UNC13B: variants seen among roughly 807,000 people sequenced by gnomAD.
The protein encoded by UNC13B is protein unc-13 homolog B.
UNC13B carries 144 observed loss-of-function variants against 211.0 expected under a neutral mutation model. That is an observed-to-expected ratio of 0.68 (90% CI 0.60 to 0.78). The LOEUF is 0.78. Ranked by LOEUF, UNC13B falls within the 30% of genes least tolerant of loss-of-function variation. UNC13B has a pLI of 0.00. For missense variants in UNC13B, 1,777 were observed against 2,002.0 expected, an observed-to-expected ratio of 0.89 and a Z score of 2.14; for synonymous variants, 709 against 725.8, an observed-to-expected ratio of 0.98 and a Z score of 0.37.
In UNC13B at chr9:35,221,761, A is replaced by G. The variant is rs566975866; in HGVS notation, c.23-6254A>G. On this transcript the variant is annotated intron_variant, in intron 1 of 39. Coordinates refer to ENST00000635942, the MANE Select transcript of UNC13B (RefSeq NM_001371189.2). ...AAGATTTTCTCCTATGTTTTCTTCCAGATATTTCATAGTTTTATCTCTCAC... is the reference window on the plus strand; with the variant it reads ...AAGATTTTCTCCTATGTTTTCTTCCGGATATTTCATAGTTTTATCTCTCAC... Among the ~76,000 whole-genome samples, 4 of 152,354 alleles carry G rather than the reference A, an allele frequency of 2.6e-5. No individual in the cohort carries two copies. In the South Asian group the frequency reaches 8.3e-4, roughly 32 times the overall value.
At chr9:35,226,913 T>G (rs922542961) in intron 1 of UNC13B, among the ~76,000 whole-genome samples, 3 of 152,334 alleles carry the variant, frequency 2.0e-5, no homozygotes. Flanking sequence ...AGTGTCACAT[T>G]ACAGAACCAT....
At chr9:35,384,547 C>G in intron 22 of UNC13B, 1 of 985,434 alleles carries the variant, frequency 1.0e-6, no homozygotes. Context: ...TCTTTCCAAC[C>G]TCATTCTTAA....
At chr9:35,240,670 A>G (rs963644225) in intron 5 of UNC13B, among the ~76,000 whole-genome samples, 1 of 152,014 alleles carries the variant, frequency 6.6e-6, no homozygotes, top group Non-Finnish European at 1.5e-5. Context: ...TTAATGTTGT[A>G]TTACTTTTTG....
intron 11 of UNC13B, among the ~76,000 whole-genome samples, chr9:35,340,498 A>G (rs912887058): frequency 3.9e-5 from 6 of 152,306 alleles, no homozygotes; most frequent in East Asian, 1.9e-4. Flanking sequence ...CTGTTCTGCA[A>G]TGGCAGATCC....
chr9:35,399,207 G>T lies in UNC13B; in HGVS notation c.12121G>T (p.Val4041Leu), dbSNP rs745369536. 1 of 1,614,042 alleles carries T rather than the reference G, an allele frequency of 6.2e-7. No individual in the cohort carries two copies. Among genetic ancestry groups the T allele is most frequent in the Non-Finnish European group, 8.5e-7 (1 of 1,180,040 alleles). Residue 4041 changes from valine to leucine, a missense_variant, in exon 34 of 40, where the codon GTA becomes TTA. Coordinates refer to ENST00000635942, the MANE Select transcript of UNC13B (RefSeq NM_001371189.2). The part of the protein sequence containing the change: ...TVCEKTVLKR[V>L]LKELWRVVMN... ...GTGTGAGAAGACGGTTCTGAAGCGT[G>T]TACTGAAGGAGCTCTGGCGCGTGGT... is the stretch of plus-strand genomic sequence containing the variant.
intron 11 of UNC13B, chr9:35,351,300 G>C (rs1832704025): frequency 8.3e-7 from 1 of 1,206,228 alleles, no homozygotes; most frequent in Non-Finnish European, 1.0e-6. Flanking sequence ...CTAGCTACAG[G>C]ATAAATCAAG....
chr9:35,302,439 C>G lies in UNC13B; in HGVS notation c.3035C>G (p.Thr1012Ser). 1 of 398,314 alleles carries G rather than the reference C, an allele frequency of 2.5e-6. No homozygotes were observed. Among genetic ancestry groups the G allele is most frequent in the Admixed American group, 4.4e-5 (1 of 22,686 alleles). 24.7% of individuals were successfully genotyped at this position (398,314 alleles called of 1,614,324 possible). ...ATAAAATCTGGTTCAGCTCCAAATA[C>G]TCAGGATAATCTAGGGAAATTTGAC... ...SSIKSGSAPNTQDNLGKFDST... is the reference protein window; with the variant it reads ...SSIKSGSAPNSQDNLGKFDST... Residue 1012 changes from threonine (T) to serine (S), a missense_variant, in exon 9 of 40, where the codon ACT becomes AGT. Coordinates refer to ENST00000635942, the MANE Select transcript of UNC13B (RefSeq NM_001371189.2).
chr9:35,390,905 T>C (rs983940307), intron 26 of UNC13B, among the ~76,000 whole-genome samples, 191 bp downstream of exon 26: 1 of 152,146 alleles, frequency 6.6e-6, no homozygotes, highest in Non-Finnish European at 1.5e-5. Flanking sequence ...AAAGGACATA[T>C]GAAAATGGCT....
Position 35,218,019 on chromosome 9 carries a change from C to CA in UNC13B, c.23-9986dup, listed in dbSNP as rs562973917. ...AGCCTGGATGACACAGCAAAACCCT[C>CA]AAAAAAAAAAGATTTTAGGCGTGGA... On this transcript the variant is annotated intron_variant, in intron 1 of 39. Transcript: ENST00000635942. Among the ~76,000 whole-genome samples the CA allele has an allele frequency of 6.8e-4, 99 of 144,670 alleles. 1 individual carries two copies. Among genetic ancestry groups the CA allele is most frequent in the South Asian group, 1.3e-3 (6 of 4,520 alleles). The allele number at this position is 144,670 out of a possible 152,430, so 94.9% of individuals were successfully genotyped here.
intron 7 of UNC13B, among the ~76,000 whole-genome samples, chr9:35,284,981 A>G (rs1285478862): frequency 6.6e-6 from 1 of 152,154 alleles, no homozygotes; most frequent in Non-Finnish European, 1.5e-5. Context: ...TAATGTGACT[A>G]TTTCTGATTT....
intron 6 of UNC13B, among the ~76,000 whole-genome samples, chr9:35,258,445 G>T (rs1827065272): frequency 6.6e-6 from 1 of 152,166 alleles, no homozygotes; most frequent in South Asian, 2.1e-4. Flanking sequence ...GTTGTGGTGG[G>T]TGGGATGGCG....
At chr9:35,376,300 A>G in intron 15 of UNC13B, 53 bp downstream of exon 15, 1 of 1,573,860 alleles carries the variant, frequency 6.4e-7, no homozygotes, top group African/African-American at 1.3e-5. Context: ...GGGCTTTCCA[A>G]AATAGTCTGC....
intron 1 of UNC13B, among the ~76,000 whole-genome samples, chr9:35,179,505 T>A (rs1185839769): frequency 2.0e-5 from 3 of 152,188 alleles, no homozygotes; most frequent in African/African-American, 7.2e-5. Flanking sequence ...AAGAATCATC[T>A]TCTGGCCAGG....
chr9:35,348,770 A>G (rs1365823522), intron 11 of UNC13B, among the ~76,000 whole-genome samples: 1 of 152,210 alleles, frequency 6.6e-6, no homozygotes, highest in Non-Finnish European at 1.5e-5. Flanking sequence ...GAGGAAACTA[A>G]TTCACATAGA....
intron 1 of UNC13B, among the ~76,000 whole-genome samples, chr9:35,226,841 TACAGAC>T (rs988296238): frequency 6.6e-6 from 1 of 152,208 alleles, no homozygotes; most frequent in Non-Finnish European, 1.5e-5. Context: ...GCAACACCCT[TACAGAC>T]ACAGCCAGGA....
intron 1 of UNC13B, among the ~76,000 whole-genome samples, chr9:35,181,740 G>A (rs1821951473): frequency 6.6e-6 from 1 of 152,158 alleles, no homozygotes; most frequent in Non-Finnish European, 1.5e-5. Context: ...GGGAGGCTGA[G>A]GCAGTAGAAT....
At position 35,390,110 on chromosome 9, in the gene UNC13B, G is replaced by A. The variant is rs1056453642; in HGVS notation, c.11222+137G>A. ...CCATCCATCTGTCCCTCTGTCCCTT[G>A]TATCTGTCTGGGTAACTGTTTCTGG... On this transcript the variant is annotated intron_variant, in intron 25 of 39. Transcript: ENST00000635942. 41 of 1,463,066 alleles carry A rather than the reference G, an allele frequency of 2.8e-5. 1 individual carries two copies. The South Asian group carries it at 4.2e-4, about 15-fold the overall frequency. The allele number at this position is 1,463,066 out of a possible 1,614,324, so 90.6% of individuals were successfully genotyped here. A position where few individuals can be genotyped will look rare whatever the true frequency, so the allele number is the denominator to read the frequency against.
At chr9:35,386,324 T>A (rs1443714966) in intron 24 of UNC13B, 31 bp downstream of exon 24, 1 of 1,612,626 alleles carries the variant, frequency 6.2e-7, no homozygotes, top group African/African-American at 1.3e-5. Flanking sequence ...TGGGGCCAGC[T>A]GTCAGTGGCT....
intron 7 of UNC13B, among the ~76,000 whole-genome samples, chr9:35,276,667 A>T (rs1202799420): frequency 1.3e-5 from 2 of 152,196 alleles, no homozygotes; most frequent in African/African-American, 4.8e-5. Context: ...TCTTCAAATG[A>T]TTCAGAAATG....
Sources: gnomAD v4.1 joint callset for allele counts (sites outside exome capture counted in the v4.1 genomes callset) on GRCh38, gnomAD v4.1.1 for gene constraint, MANE v1.5 for transcripts, NCBI Gene and HGNC (gene_info 2026-07-23, HGNC 2026-07-21) for gene names.